Variants in RTF2 observed in about 807,000 individuals in gnomAD.
RTF2 encodes UPF0549 protein C20orf43.
RTF2 carries 18 observed loss-of-function variants against 38.0 expected under a neutral mutation model. The ratio of observed to expected loss-of-function variants is 0.47; its 90% CI spans 0.33 to 0.70. RTF2 has a LOEUF of 0.70. Among genes scored for constraint, RTF2 ranks in the 30% least tolerant of loss-of-function variants. The pLI is 0.02. For synonymous variants in RTF2, 126 were observed against 137.1 expected, an observed-to-expected ratio of 0.92 and a Z score of 0.57; for missense variants, 311 against 379.6, an observed-to-expected ratio of 0.82 and a Z score of 1.50.
At chr20:56,472,898 G>C (rs1249717993) in intron 1 of RTF2, among the ~76,000 whole-genome samples, 2 of 152,154 alleles carry the variant, frequency 1.3e-5, no homozygotes, top group African/African-American at 4.8e-5. Context: ...CCAGCAGTTT[G>C]GGTGGCTGAG....
chr20:56,509,671 A>G (rs1984516810), intron 5 of RTF2, among the ~76,000 whole-genome samples: 2 of 152,004 alleles, frequency 1.3e-5, no homozygotes, highest in Admixed American at 1.3e-4. Flanking sequence ...AGAAATGAGA[A>G]TCCTCAGGCA....
chr20:56,501,265 G>A (rs909030367), intron 5 of RTF2, among the ~76,000 whole-genome samples: 1 of 151,684 alleles, frequency 6.6e-6, no homozygotes, highest in African/African-American at 2.4e-5. Context: ...ACATTTCCTA[G>A]CAATTCTTAG....
intron 5 of RTF2, among the ~76,000 whole-genome samples, chr20:56,487,841 TC>T (rs1982875668): frequency 6.6e-6 from 1 of 152,208 alleles, no homozygotes; most frequent in Non-Finnish European, 1.5e-5. Flanking sequence ...CACATCATCT[TC>T]CCTCTATCAT....
At chr20:56,518,024 G>A (rs1413899710) in intron 8 of RTF2, 63 bp from the exon 9 acceptor site, 1 of 1,487,648 alleles carries the variant, frequency 6.7e-7, no homozygotes, top group African/African-American at 1.4e-5. Context: ...TCCCTTCTGA[G>A]GATGCGAAGT....
rs775381233 is a variant in RTF2, at chr20:56,484,241, G to C, written c.477+52G>C. On this transcript the variant is annotated intron_variant, in intron 5 of 8. Coordinates refer to ENST00000357348, the MANE Select transcript of RTF2 (RefSeq NM_016407.5). Reference sequence around the variant, plus strand: ...TCCTTCTCTGTAGCTGAGGAAATCAGATGGTTTAGGGTCCTTTCCCTCCAT... The same window carrying C: ...TCCTTCTCTGTAGCTGAGGAAATCACATGGTTTAGGGTCCTTTCCCTCCAT... 3 of 1,425,212 alleles carry C rather than the reference G, an allele frequency of 2.1e-6. No homozygotes were observed. The South Asian group carries it at 3.4e-5, about 16-fold the overall frequency. The allele number at this position is 1,425,212 out of a possible 1,614,324, so 88.3% of individuals were successfully genotyped here.
intron 4 of RTF2, among the ~76,000 whole-genome samples, chr20:56,480,391 T>C (rs1982472732): frequency 6.6e-6 from 1 of 152,242 alleles, no homozygotes; most frequent in Non-Finnish European, 1.5e-5. Flanking sequence ...GGTTAGGCTT[T>C]GGCTTAAGGA....
chr20:56,470,483 C>G (rs1981902013), intron 1 of RTF2: 1 of 431,540 alleles, frequency 2.3e-6, no homozygotes, highest in African/African-American at 2.0e-5. Flanking sequence ...CAGAGTCTAG[C>G]CCTGGTGGAG....
chr20:56,478,386 T>C (rs1340478232), intron 4 of RTF2, among the ~76,000 whole-genome samples: 2 of 151,988 alleles, frequency 1.3e-5, no homozygotes. Flanking sequence ...ACCTCGCTAC[T>C]TGGGAGGCTG....
At chr20:56,470,506 A>G (rs1981902837) in intron 1 of RTF2, 3 of 446,340 alleles carry the variant, frequency 6.7e-6, no homozygotes, top group South Asian at 4.7e-5. Context: ...TACATTTCGG[A>G]TCAATATTGT....
At chr20:56,512,362 G>T (rs1165177743) in intron 5 of RTF2, among the ~76,000 whole-genome samples, 1 of 152,136 alleles carries the variant, frequency 6.6e-6, no homozygotes, top group Non-Finnish European at 1.5e-5. Flanking sequence ...GGCCACAGCA[G>T]GGAAGAAAAC....
intron 3 of RTF2, among the ~76,000 whole-genome samples, chr20:56,476,306 A>T (rs1482993137): frequency 6.6e-6 from 1 of 152,186 alleles, no homozygotes. Flanking sequence ...AGTCAGTAAC[A>T]TGAAGCAGCC....
chr20:56,517,273 A>G, intron 8 of RTF2, 72 bp downstream of exon 8: 1 of 1,212,448 alleles, frequency 8.2e-7, no homozygotes. Flanking sequence ...TCCAGGTTTC[A>G]CTGGAGTGGG....
chr20:56,474,330 A>G (rs776147459), intron 2 of RTF2, among the ~76,000 whole-genome samples: 1 of 151,908 alleles, frequency 6.6e-6, no homozygotes, highest in Non-Finnish European at 1.5e-5. Context: ...AAAATATGAA[A>G]ATTAGCCAGG....
chr20:56,474,862 G>C, intron 3 of RTF2, 91 bp downstream of exon 3: 1 of 754,458 alleles, frequency 1.3e-6, no homozygotes, highest in Non-Finnish European at 2.1e-6. Flanking sequence ...ACTGAACTCA[G>C]AAATTTGGGA....
intron 5 of RTF2, among the ~76,000 whole-genome samples, chr20:56,494,678 G>A (rs1329342202): frequency 6.6e-6 from 1 of 152,194 alleles, no homozygotes; most frequent in Admixed American, 6.5e-5. Flanking sequence ...GAGGGTGGCT[G>A]TGCACATTGG....
At chr20:56,512,736 G>A (rs1752569147) in intron 5 of RTF2, among the ~76,000 whole-genome samples, 1 of 152,194 alleles carries the variant, frequency 6.6e-6, no homozygotes, top group Non-Finnish European at 1.5e-5. Context: ...ACAGCTGGGT[G>A]TTAAGGGAAA....
intron 5 of RTF2, among the ~76,000 whole-genome samples, chr20:56,503,867 C>T (rs1228636307): frequency 6.6e-6 from 1 of 152,168 alleles, no homozygotes; most frequent in Non-Finnish European, 1.5e-5. Flanking sequence ...ACTCTGGAGC[C>T]TGAGGCAGGA....
chr20:56,499,101 T>C (rs913156459), intron 5 of RTF2, among the ~76,000 whole-genome samples: 11 of 152,192 alleles, frequency 7.2e-5, no homozygotes, highest in Non-Finnish European at 1.5e-4. Flanking sequence ...CAGGCCGCAG[T>C]GTGTTCCACT....
intron 3 of RTF2, among the ~76,000 whole-genome samples, chr20:56,476,622 C>T (rs552804041): frequency 3.4e-4 from 51 of 152,052 alleles, no homozygotes; most frequent in Middle Eastern, 3.4e-3. Context: ...GCCTCAGCCT[C>T]CCGAGTAGCT....
Sources: gnomAD v4.1 joint callset for allele counts (sites outside exome capture counted in the v4.1 genomes callset) on GRCh38, gnomAD v4.1.1 for gene constraint, MANE v1.5 for transcripts, NCBI Gene and HGNC (gene_info 2026-07-23, HGNC 2026-07-21) for gene names.